NECTIN3: variants seen among roughly 807,000 people sequenced by gnomAD.
The protein encoded by NECTIN3 is nectin cell adhesion molecule 3.
In NECTIN3, 8 loss-of-function variants were observed where a neutral mutation model predicts 49.4. That is an observed-to-expected ratio of 0.16 (90% CI 0.10 to 0.29). The LOEUF (loss-of-function observed/expected upper bound fraction) is 0.29. NECTIN3 is among the 10% of genes least tolerant of loss of function. The probability of loss-of-function intolerance (pLI) is 1.00; values close to 1 mark genes in which losing one functional copy is unlikely to be tolerated. For synonymous variants in NECTIN3, 277 were observed against 241.1 expected, an observed-to-expected ratio of 1.15 and a Z score of -1.38; for missense variants, 581 against 654.6, an observed-to-expected ratio of 0.89 and a Z score of 1.23.
chr3:111,106,004 A>G (rs924997818), intron 1 of NECTIN3, among the ~76,000 whole-genome samples: 2 of 113,506 alleles, frequency 1.8e-5, no homozygotes, highest in Non-Finnish European at 3.7e-5. Flanking sequence ...TTTTTTTCCC[A>G]CTTCTTGGCA....
At chr3:111,123,561 T>A (rs1233220563) in intron 4 of NECTIN3, among the ~76,000 whole-genome samples, 3 of 152,170 alleles carry the variant, frequency 2.0e-5, no homozygotes, top group African/African-American at 7.2e-5. Context: ...AGTTTATTTC[T>A]AGAATTAACC....
Position 111,137,540 on chromosome 3 carries a change from TAAA to T in NECTIN3, c.*3329_*3331del, listed in dbSNP as rs2034624607. Reference sequence around the variant, plus strand: ...ATGCATGAAATCTTTAAATAAAAGTTAAAAAAGTTCTTTAGAGGCATATTTCTG... The same window carrying T: ...ATGCATGAAATCTTTAAATAAAAGTTAAAGTTCTTTAGAGGCATATTTCTG... On this transcript the variant is annotated 3_prime_UTR_variant, in exon 6 of 6. Transcript: ENST00000485303. The T allele has an allele frequency of 1.0e-6, 1 of 961,194 alleles. No homozygotes were observed. The highest frequency in any genetic ancestry group is 1.2e-6 in the Non-Finnish European group (1 of 810,644). 59.5% of individuals were successfully genotyped at this position (961,194 alleles called of 1,614,324 possible).
chr3:111,092,378 A>G (rs1413366581), intron 1 of NECTIN3, among the ~76,000 whole-genome samples: 1 of 152,146 alleles, frequency 6.6e-6, no homozygotes, highest in Non-Finnish European at 1.5e-5. Flanking sequence ...GACTAACACA[A>G]GTTCATGAAG....
chr3:111,137,663 A>G (rs1013225438), downstream of NECTIN3: 1 of 214,770 alleles, frequency 4.7e-6, no homozygotes, highest in African/African-American at 2.4e-5. Context: ...TTTAATTATC[A>G]AAATGTAATT....
At chr3:111,193,045 A>G (rs1336508957) in intron 1 of NECTIN3, among the ~76,000 whole-genome samples, 1 of 152,240 alleles carries the variant, frequency 6.6e-6, no homozygotes, top group African/African-American at 2.4e-5. Context: ...ACTGGAAAAT[A>G]TAAGTTGTTG....
At position 111,134,230 on chromosome 3, in the gene NECTIN3, G is replaced by A. The variant is rs1168345079; in HGVS notation, c.*15G>A. ...GGTATGTTTAGCAACCACTGAATGT[G>A]ACTTAACTATGTACAATGTTCATTC... On this transcript the variant is annotated 3_prime_UTR_variant, in exon 6 of 6. Transcript: ENST00000485303. 1 of 1,568,236 alleles carries A rather than the reference G, an allele frequency of 6.4e-7. No individual in the cohort carries two copies. The highest frequency in any genetic ancestry group is 8.6e-7 in the Non-Finnish European group (1 of 1,161,554).
intron 1 of NECTIN3, among the ~76,000 whole-genome samples, chr3:111,089,883 CTA>C (rs1176616387): frequency 1.3e-5 from 2 of 151,932 alleles, no homozygotes; most frequent in African/African-American, 4.8e-5. Context: ...GTAGATTTGT[CTA>C]TTTTTTCTTT....
chr3:111,105,776 T>C (rs1470451433), intron 1 of NECTIN3, among the ~76,000 whole-genome samples: 1 of 152,222 alleles, frequency 6.6e-6, no homozygotes, highest in African/African-American at 2.4e-5. Flanking sequence ...TCTCTGTCCT[T>C]GTGCTTCACT....
At chr3:111,165,679 A>G (rs770313979) in intron 7 of NECTIN3, among the ~76,000 whole-genome samples, 5 of 152,310 alleles carry the variant, frequency 3.3e-5, no homozygotes, top group Non-Finnish European at 7.4e-5. Flanking sequence ...TAAAACTTAA[A>G]AAGCCGTCAC....
At chr3:111,098,291 A>C (rs1183544520) in intron 1 of NECTIN3, among the ~76,000 whole-genome samples, 1 of 152,156 alleles carries the variant, frequency 6.6e-6, no homozygotes, top group East Asian at 1.9e-4. Flanking sequence ...TTAGTTTCCT[A>C]GGGCTTCTAT....
chr3:111,154,887 G>C (rs2035067475), intron 7 of NECTIN3, among the ~76,000 whole-genome samples: 1 of 151,936 alleles, frequency 6.6e-6, no homozygotes, highest in Non-Finnish European at 1.5e-5. Context: ...CAAGTCCTTT[G>C]TCAGCTATAT....
chr3:111,098,007 G>A (rs1031925753), intron 1 of NECTIN3, among the ~76,000 whole-genome samples: 3 of 152,122 alleles, frequency 2.0e-5, no homozygotes, highest in Non-Finnish European at 4.4e-5. Context: ...AATTGAACAT[G>A]GAGATCAATT....
Position 111,112,275 on chromosome 3 carries a change from C to T in NECTIN3, c.406C>T (p.His136Tyr). The T allele has an allele frequency of 1.9e-6, 3 of 1,613,698 alleles. No homozygotes were observed. The highest frequency in any genetic ancestry group is 1.7e-6 in the Non-Finnish European group (2 of 1,179,728). The change falls in exon 2 of 6, where the codon CAT (histidine) becomes TAT (tyrosine). Residue 136 changes from histidine (H) to tyrosine (Y), a missense_variant. Around this residue, in one of 3 missense-constraint regions of NECTIN3, gnomAD observed 234 missense variants for 340.6 expected, o/e 0.69. Coordinates refer to ENST00000485303, the MANE Select transcript of NECTIN3 (RefSeq NM_015480.3). ...ACTTAATGATGCAACAATTACTCTG[C>T]ATAACATAGGATTCTCTGATTCTGG... Reference protein sequence around the residue: ...YSLNDATITLHNIGFSDSGKY... With the variant: ...YSLNDATITLYNIGFSDSGKY...
At chr3:111,144,249 C>T (rs2034819688) in intron 5 of NECTIN3, among the ~76,000 whole-genome samples, 1 of 151,882 alleles carries the variant, frequency 6.6e-6, no homozygotes. Flanking sequence ...TCAGAAATGA[C>T]ATATGTCTAT....
chr3:111,084,763 T>A (rs1328106601), intron 1 of NECTIN3, among the ~76,000 whole-genome samples: 2 of 151,956 alleles, frequency 1.3e-5, no homozygotes, highest in Non-Finnish European at 2.9e-5. Context: ...TGGAGGAAAA[T>A]TAGTGGAGTT....
intron 3 of NECTIN3, among the ~76,000 whole-genome samples, chr3:111,121,128 G>A (rs1426130574): frequency 3.4e-5 from 5 of 147,798 alleles, no homozygotes; most frequent in Non-Finnish European, 7.4e-5. Context: ...TCAGCCTCCC[G>A]AGTGGCTGGG....
chr3:111,178,645 G>T (rs1347172849), intron 7 of NECTIN3, among the ~76,000 whole-genome samples: 1 of 152,214 alleles, frequency 6.6e-6, no homozygotes. Flanking sequence ...ACCAGAGCAT[G>T]TGGCAAAGCT....
intron 1 of NECTIN3, among the ~76,000 whole-genome samples, chr3:111,082,536 GA>G (rs1169212240): frequency 1.3e-5 from 2 of 152,096 alleles, no homozygotes; most frequent in Non-Finnish European, 2.9e-5. Flanking sequence ...ATAAATAAAT[GA>G]ATACATTTAG....
At chr3:111,152,229 T>TATA (rs985619495) in intron 7 of NECTIN3, among the ~76,000 whole-genome samples, 2 of 151,872 alleles carry the variant, frequency 1.3e-5, no homozygotes, top group Non-Finnish European at 3.0e-5. Flanking sequence ...TGTATGCAAG[T>TATA]ATAATCTGCA....
Sources: gnomAD v4.1 joint callset for allele counts (sites outside exome capture counted in the v4.1 genomes callset) on GRCh38, gnomAD v4.1.1 for gene constraint, gnomAD v4.1.1 regional missense constraint, MANE v1.5 for transcripts, NCBI Gene and HGNC (gene_info 2026-07-23, HGNC 2026-07-21) for gene names.